Variants in AGMO observed in about 807,000 individuals in gnomAD.
The protein encoded by AGMO is alkylglycerol monooxygenase.
A neutral mutation model predicts 60.2 loss-of-function variants in AGMO; 75 were observed. The observed-to-expected ratio is 1.25, with a 90% CI of 1.03 to 1.51. The LOEUF (loss-of-function observed/expected upper bound fraction) is 1.51, where lower values mean the gene tolerates loss of function less well. Among genes scored for constraint, AGMO ranks in the 40% most tolerant of loss-of-function variants. The pLI, the probability that AGMO is intolerant of heterozygous loss-of-function variation, is 0.00. For missense variants in AGMO, 763 were observed against 525.5 expected (o/e 1.45, Z -4.42); for synonymous variants, 261 against 177.1 (o/e 1.47, Z -3.76).
chr7:15,537,543 G>A (rs919005424), intron 3 of AGMO, among the ~76,000 whole-genome samples: 9 of 151,886 alleles, frequency 5.9e-5, no homozygotes, highest in South Asian at 2.1e-4. Flanking sequence ...TAAATTTCTC[G>A]AAAATATTGC....
intron 12 of AGMO, among the ~76,000 whole-genome samples, chr7:15,219,020 GA>G (rs1210385922): frequency 6.6e-6 from 1 of 152,142 alleles, no homozygotes; most frequent in Non-Finnish European, 1.5e-5. Context: ...AAAGCTGTCA[GA>G]ATCATGTTAG....
chr7:15,531,152 A>G (rs186230829), intron 3 of AGMO, among the ~76,000 whole-genome samples: 926 of 59,190 alleles, frequency 0.016, 123 homozygotes, highest in African/African-American at 0.069. Context: ...TATATATTCT[A>G]TATATATTCT....
At chr7:15,493,197 G>A (rs1473752502) in intron 3 of AGMO, among the ~76,000 whole-genome samples, 3 of 151,758 alleles carry the variant, frequency 2.0e-5, no homozygotes, top group Non-Finnish European at 4.4e-5. Context: ...CAAGGTACAA[G>A]GAACTCCCAT....
intron 12 of AGMO, among the ~76,000 whole-genome samples, chr7:15,355,088 A>T (rs2128556339): frequency 6.6e-6 from 1 of 152,190 alleles, no homozygotes; most frequent in South Asian, 2.1e-4. Flanking sequence ...TGTTTCAGAA[A>T]TTTTGATATG....
At chr7:15,249,451 A>G (rs1289922787) in intron 12 of AGMO, among the ~76,000 whole-genome samples, 1 of 152,230 alleles carries the variant, frequency 6.6e-6, no homozygotes, top group Non-Finnish European at 1.5e-5. Context: ...TTTGTTATTT[A>G]GAGTGTATGA....
intron 12 of AGMO, among the ~76,000 whole-genome samples, chr7:15,328,357 A>C (rs759265047): frequency 1.3e-5 from 2 of 152,142 alleles, no homozygotes; most frequent in Non-Finnish European, 2.9e-5. Context: ...TCGGCCTCTC[A>C]AAGTGCTGGG....
chr7:15,263,097 A>G (rs1430046423), intron 12 of AGMO, among the ~76,000 whole-genome samples: 1 of 152,190 alleles, frequency 6.6e-6, no homozygotes, highest in African/African-American at 2.4e-5. Context: ...ATTAAACTAA[A>G]AAGCTTCTGC....
chr7:15,397,237 C>T (rs986760851), intron 5 of AGMO, among the ~76,000 whole-genome samples: 4 of 152,124 alleles, frequency 2.6e-5, no homozygotes, highest in African/African-American at 9.6e-5. Context: ...GAGGGAACGG[C>T]GGTCCGCGCA....
intron 12 of AGMO, among the ~76,000 whole-genome samples, chr7:15,309,816 T>G (rs905466733): frequency 1.3e-5 from 2 of 152,174 alleles, no homozygotes; most frequent in African/African-American, 4.8e-5. Flanking sequence ...AAGATCATTA[T>G]GCCATTTAAT....
chr7:15,399,786 G>T lies in AGMO; in HGVS notation c.610-5607C>A, dbSNP rs184691702. Among the ~76,000 whole-genome samples, 787 of 152,160 alleles carry T rather than the reference G, an allele frequency of 5.2e-3. 7 individuals are homozygous for T. Among genetic ancestry groups the T allele is most frequent in the Middle Eastern group, 0.031 (9 of 292 alleles). ...CATTTCCCCTGACCAAAAATAAAATGAAACCAAATAAAAAGACTCCTTGTA... is the reference window on the plus strand; with the variant it reads ...CATTTCCCCTGACCAAAAATAAAATTAAACCAAATAAAAAGACTCCTTGTA... On this transcript the variant is annotated intron_variant, in intron 5 of 12. Coordinates refer to ENST00000342526, the MANE Select transcript of AGMO (RefSeq NM_001004320.2).
chr7:15,387,555 A>G lies in AGMO; in HGVS notation c.823-15T>C. On this transcript the variant is annotated splice_polypyrimidine_tract_variant and intron_variant, in intron 8 of 12. Coordinates refer to ENST00000342526, the MANE Select transcript of AGMO (RefSeq NM_001004320.2). ...AAGTGATGGAACTAGAAACAATAAAAAAAGAGCTTATTTCACATAAGATAA... is the reference window on the plus strand; with the variant it reads ...AAGTGATGGAACTAGAAACAATAAAGAAAGAGCTTATTTCACATAAGATAA... 1.3e-6 allele frequency: 2 copies of G among 1,588,338 alleles called. No individual in the cohort carries two copies. The highest frequency in any genetic ancestry group is 1.2e-5 in the South Asian group (1 of 86,784).
chr7:15,236,332 AACT>A (rs1354032754), intron 12 of AGMO, among the ~76,000 whole-genome samples: 5 of 152,258 alleles, frequency 3.3e-5, no homozygotes, highest in East Asian at 1.9e-4. Context: ...ACTACATAAA[AACT>A]ACATTATAAT....
intron 12 of AGMO, among the ~76,000 whole-genome samples, chr7:15,275,747 G>C (rs1180848078): frequency 6.6e-6 from 1 of 151,938 alleles, no homozygotes; most frequent in African/African-American, 2.4e-5. Flanking sequence ...ATTTAGGATG[G>C]TGATATCTTT....
At chr7:15,328,741 C>T (rs956457928) in intron 12 of AGMO, among the ~76,000 whole-genome samples, 3 of 152,180 alleles carry the variant, frequency 2.0e-5, no homozygotes, top group Admixed American at 1.3e-4. Flanking sequence ...TACTCCTCTG[C>T]TCACCAATTT....
chr7:15,490,022 GA>G, intron 3 of AGMO, among the ~76,000 whole-genome samples: 1 of 152,170 alleles, frequency 6.6e-6, no homozygotes, highest in Non-Finnish European at 1.5e-5. Context: ...ATGGCACACT[GA>G]ATGGAAAAAT....
intron 12 of AGMO, among the ~76,000 whole-genome samples, chr7:15,320,510 T>G (rs927769776): frequency 1.3e-5 from 2 of 152,098 alleles, no homozygotes; most frequent in African/African-American, 4.8e-5. Context: ...ACTTTTGATA[T>G]CTCAACTCTC....
chr7:15,338,877 G>T (rs1243248902), intron 12 of AGMO, among the ~76,000 whole-genome samples: 1 of 152,114 alleles, frequency 6.6e-6, no homozygotes, highest in Non-Finnish European at 1.5e-5. Flanking sequence ...ATGTTTAACT[G>T]TAAAATAAGC....
intron 12 of AGMO, among the ~76,000 whole-genome samples, chr7:15,227,907 C>T (rs921107096): frequency 6.6e-6 from 1 of 151,992 alleles, no homozygotes; most frequent in African/African-American, 2.4e-5. Context: ...GCTTTTCTTT[C>T]CTCAAAAGCT....
chr7:15,208,513 G>A (rs1240481798), intron 12 of AGMO, among the ~76,000 whole-genome samples: 1 of 152,082 alleles, frequency 6.6e-6, no homozygotes, highest in Non-Finnish European at 1.5e-5. Flanking sequence ...TTATAAAGTT[G>A]GGAATAAAAC....
Sources: gnomAD v4.1 joint callset for allele counts (sites outside exome capture counted in the v4.1 genomes callset) on GRCh38, gnomAD v4.1.1 for gene constraint, MANE v1.5 for transcripts, NCBI Gene and HGNC (gene_info 2026-07-23, HGNC 2026-07-21) for gene names.